The following CRY1 variants were observed in gnomAD, a reference collection of about 807,000 sequenced individuals.
The protein encoded by CRY1 is cryptochrome circadian regulator 1.
In CRY1, 45 loss-of-function variants were observed where a neutral mutation model predicts 76.0. That is an observed-to-expected ratio of 0.59 (90% CI 0.47 to 0.76). The LOEUF (loss-of-function observed/expected upper bound fraction) is 0.76, where lower values mean the gene tolerates loss of function less well. Among genes scored for constraint, CRY1 ranks in the 30% least tolerant of loss-of-function variants. The pLI is 0.00. For missense variants in CRY1, 587 were observed against 716.4 expected (o/e 0.82, Z 2.06); for synonymous variants, 248 against 244.0 (o/e 1.02, Z -0.15).
At chr12:107,050,044 G>A (rs754618711) in intron 1 of CRY1, 6 of 152,114 alleles carry the variant, frequency 3.9e-5, no homozygotes, top group Non-Finnish European at 7.4e-5. Context: ...AGGAAGTAAG[G>A]AGATAAAGAA....
intron 5 of CRY1, among the ~76,000 whole-genome samples, chr12:107,000,382 C>T (rs1952293648): frequency 6.6e-6 from 1 of 151,728 alleles, no homozygotes. Flanking sequence ...GACAGGGTCT[C>T]GCTCTGTCAC....
chr12:107,059,517 T>A (rs1233958336), intron 1 of CRY1, among the ~76,000 whole-genome samples: 2 of 152,162 alleles, frequency 1.3e-5, no homozygotes, highest in African/African-American at 4.8e-5. Flanking sequence ...CCTCCCAAAG[T>A]GTTGAGATTA....
At chr12:107,062,053 GA>G (rs1288566543) in intron 1 of CRY1, among the ~76,000 whole-genome samples, 28 of 127,048 alleles carry the variant, frequency 2.2e-4, no homozygotes, top group South Asian at 2.5e-4. Flanking sequence ...AAGAAAAAAA[GA>G]AAAAAAAAAA....
intron 1 of CRY1, among the ~76,000 whole-genome samples, chr12:107,024,389 C>T (rs995773432): frequency 2.0e-5 from 3 of 151,542 alleles, no homozygotes; most frequent in Non-Finnish European, 2.9e-5. Flanking sequence ...ATAAGCATTC[C>T]GAATGCTTTT....
chr12:107,004,743 A>G (rs555467121), intron 3 of CRY1, among the ~76,000 whole-genome samples: 75 of 152,330 alleles, frequency 4.9e-4, no homozygotes, highest in African/African-American at 1.7e-3. Context: ...AAGGCAATTT[A>G]TAACTATATA....
chr12:107,052,746 C>T (rs1354975429), intron 1 of CRY1, among the ~76,000 whole-genome samples: 5 of 152,186 alleles, frequency 3.3e-5, no homozygotes, highest in Admixed American at 2.0e-4. Flanking sequence ...AGGTGAAGAA[C>T]ATGCATGGCA....
At chr12:107,051,200 GT>G (rs1477184912) in intron 1 of CRY1, among the ~76,000 whole-genome samples, 1 of 152,062 alleles carries the variant, frequency 6.6e-6, no homozygotes, top group Non-Finnish European at 1.5e-5. Context: ...TGAAAAACAT[GT>G]GTTATGTAGA....
chr12:107,053,596 G>C (rs1355483117), intron 1 of CRY1, among the ~76,000 whole-genome samples: 1 of 152,138 alleles, frequency 6.6e-6, no homozygotes, highest in Admixed American at 6.5e-5. Flanking sequence ...GGGATTACAG[G>C]CATAAGCCAC....
intron 1 of CRY1, among the ~76,000 whole-genome samples, chr12:107,084,583 A>C (rs959112046): frequency 6.6e-6 from 1 of 152,240 alleles, no homozygotes; most frequent in Non-Finnish European, 1.5e-5. Context: ...AGGATTCCCT[A>C]TTTAATAAAT....
chr12:106,997,281 C>G lies in CRY1; in HGVS notation c.1585+13G>C. ...TTCATGTTACTAAGTGCAGAAATTT[C>G]CTTTTCACTTACTTCCACTGCTGCT... On this transcript the variant is annotated intron_variant, in intron 10 of 12. Transcript: ENST00000008527. 6.2e-7 allele frequency: 1 copy of G among 1,607,594 alleles called. No homozygotes were observed. The highest frequency in any genetic ancestry group is 8.5e-7 in the Non-Finnish European group (1 of 1,174,486).
chr12:107,009,475 G>A (rs893770592), intron 2 of CRY1, among the ~76,000 whole-genome samples: 2 of 150,588 alleles, frequency 1.3e-5, no homozygotes, highest in African/African-American at 2.4e-5. Flanking sequence ...GGAGGTAGAC[G>A]TTGCAGTGAG....
chr12:107,001,960 G>C lies in CRY1; in HGVS notation c.411-12C>G. 2 of 1,558,608 alleles carry C rather than the reference G, an allele frequency of 1.3e-6. No homozygotes were observed. The highest frequency in any genetic ancestry group is 1.7e-6 in the Non-Finnish European group (2 of 1,162,446). ...TGAGTTCTATGATCCTATAACAAGA[G>C]TTAGTAAAATGTAGTTAGTATTAAA... On this transcript the variant is annotated splice_polypyrimidine_tract_variant and intron_variant, in intron 3 of 12. Coordinates refer to ENST00000008527, the MANE Select transcript of CRY1 (RefSeq NM_004075.5).
At chr12:107,065,741 A>T (rs1004786237) in intron 1 of CRY1, among the ~76,000 whole-genome samples, 2 of 152,244 alleles carry the variant, frequency 1.3e-5, no homozygotes, top group Non-Finnish European at 2.9e-5. Flanking sequence ...ACCATGAAAG[A>T]TAAGGAAATT....
chr12:107,088,281 G>T (rs1034728495), intron 1 of CRY1, among the ~76,000 whole-genome samples: 1 of 151,956 alleles, frequency 6.6e-6, no homozygotes, highest in Non-Finnish European at 1.5e-5. Flanking sequence ...AAAGAGACTG[G>T]TATCCCTCCC....
chr12:106,998,200 T>TA (rs1237361997), intron 7 of CRY1, 134 bp from the exon 8 acceptor site: 2 of 952,266 alleles, frequency 2.1e-6, no homozygotes, highest in East Asian at 5.0e-5. Context: ...ATTCCAAAGT[T>TA]AGCTTCCCTA....
chr12:107,001,139 A>G (rs1376840559), intron 5 of CRY1, 141 bp downstream of exon 5: 5 of 616,206 alleles, frequency 8.1e-6, no homozygotes, highest in African/African-American at 5.6e-5. Context: ...CTTTCAAACA[A>G]TTAGGTTTGT....
intron 1 of CRY1, among the ~76,000 whole-genome samples, chr12:107,026,157 A>ACATATATATTTTATATATGTTATATATGT (rs1160937379): frequency 1.3e-5 from 1 of 75,706 alleles, no homozygotes; most frequent in African/African-American, 5.9e-5. Context: ...TATATATATA[A>ACATATATATTTTATATATGTTATATATGT]AATATATATA....
chr12:107,014,366 C>T (rs532911855), intron 2 of CRY1, among the ~76,000 whole-genome samples: 15 of 152,120 alleles, frequency 9.9e-5, no homozygotes, highest in Non-Finnish European at 1.8e-4. Context: ...GAGGTGAATG[C>T]TACTGATCCT....
chr12:107,061,984 C>G (rs1219917234), intron 1 of CRY1, among the ~76,000 whole-genome samples: 1 of 143,194 alleles, frequency 7.0e-6, no homozygotes, highest in African/African-American at 2.7e-5. Context: ...CAAGGTTGTG[C>G]CACTGCACTC....
Sources: allele counts gnomAD v4.1 joint callset (sites outside exome capture counted in the v4.1 genomes callset), GRCh38; gene constraint gnomAD v4.1.1; transcripts MANE v1.5; gene names NCBI Gene and HGNC (gene_info 2026-07-23, HGNC 2026-07-21).